The following GPR158 variants were observed in gnomAD, a reference collection of about 807,000 sequenced individuals.
GPR158 encodes the protein metabotropic glycine receptor.
A neutral mutation model predicts 78.2 loss-of-function variants in GPR158; 30 were observed. That is an observed-to-expected ratio of 0.38 (90% confidence interval 0.29 to 0.52). The LOEUF (loss-of-function observed/expected upper bound fraction) is 0.52. Ranked by LOEUF, GPR158 falls within the 20% of genes least tolerant of loss-of-function variation. GPR158 has a pLI of 0.83. For synonymous variants in GPR158, 581 were observed against 591.1 expected (o/e 0.98, Z 0.25); for missense variants, 1,463 against 1,523.5 (o/e 0.96, Z 0.66).
intron 8 of GPR158, among the ~76,000 whole-genome samples, chr10:25,592,947 GT>G (rs1837361173): frequency 6.8e-6 from 1 of 146,676 alleles, no homozygotes; most frequent in Non-Finnish European, 1.5e-5. Flanking sequence ...AACAGACTGC[GT>G]CAAAAGTCTG....
intron 4 of GPR158, among the ~76,000 whole-genome samples, chr10:25,456,116 A>C (rs1200773968): frequency 6.6e-6 from 1 of 152,162 alleles, no homozygotes; most frequent in Non-Finnish European, 1.5e-5. Context: ...TTGCCTGTCA[A>C]ATACAATACT....
chr10:25,318,461 T>G (rs978700272), intron 2 of GPR158, among the ~76,000 whole-genome samples: 18 of 152,138 alleles, frequency 1.2e-4, no homozygotes, highest in African/African-American at 4.3e-4. Context: ...GTGGCTGAGT[T>G]TAATCATAAA....
intron 2 of GPR158, among the ~76,000 whole-genome samples, chr10:25,318,304 T>C (rs1854891116): frequency 6.6e-6 from 1 of 152,148 alleles, no homozygotes; most frequent in Non-Finnish European, 1.5e-5. Context: ...CTCTCACTCA[T>C]CTTTCTCGGT....
chr10:25,579,036 AT>A (rs1837148259), intron 7 of GPR158, among the ~76,000 whole-genome samples: 1 of 149,292 alleles, frequency 6.7e-6, no homozygotes, highest in Non-Finnish European at 1.5e-5. Context: ...AAATAAAAAA[AT>A]AAAGATTAAA....
intron 2 of GPR158, among the ~76,000 whole-genome samples, chr10:25,258,817 A>G (rs577322705): frequency 6.8e-4 from 104 of 152,286 alleles, no homozygotes; most frequent in African/African-American, 2.3e-3. Flanking sequence ...TCGATTCCCA[A>G]AAAGTTAACT....
intron 1 of GPR158, among the ~76,000 whole-genome samples, chr10:25,196,200 T>C (rs1224146586): frequency 6.6e-6 from 1 of 152,026 alleles, no homozygotes; most frequent in Non-Finnish European, 1.5e-5. Context: ...GATTTCTATA[T>C]TTCTTAACTT....
At chr10:25,225,535 C>G (rs1167553733) in intron 2 of GPR158, among the ~76,000 whole-genome samples, 1 of 152,120 alleles carries the variant, frequency 6.6e-6, no homozygotes. Flanking sequence ...AGGGCATTAA[C>G]ATTAATCCAA....
intron 2 of GPR158, among the ~76,000 whole-genome samples, chr10:25,350,545 G>C (rs371690454): frequency 6.6e-6 from 1 of 151,982 alleles, no homozygotes; most frequent in Non-Finnish European, 1.5e-5. Flanking sequence ...CCGTTGGTCA[G>C]TTTTTTCCTA....
intron 2 of GPR158, among the ~76,000 whole-genome samples, chr10:25,241,176 TCTTTCTTTCTTTCCTTTCTTTCTTTC>T (rs1178012862): frequency 5.4e-4 from 52 of 96,410 alleles, no homozygotes; most frequent in South Asian, 2.3e-3. Context: ...TTTCTTTCTT[TCTTTCTTTCTTTCCTTTCTTTCTTTC>T]CTTTCTTTCC....
At chr10:25,455,466 A>G (rs959198701) in intron 4 of GPR158, among the ~76,000 whole-genome samples, 14 of 152,108 alleles carry the variant, frequency 9.2e-5, no homozygotes, top group Admixed American at 3.3e-4. Context: ...AGATTTCTGT[A>G]TGTATTTAAT....
chr10:25,254,168 T>A (rs570231683), intron 2 of GPR158, among the ~76,000 whole-genome samples: 82 of 152,200 alleles, frequency 5.4e-4, no homozygotes, highest in Non-Finnish European at 1.0e-3. Flanking sequence ...TTGTTTGTGG[T>A]TTATAAAATA....
At chr10:25,490,303 TA>T in intron 5 of GPR158, among the ~76,000 whole-genome samples, 1 of 151,434 alleles carries the variant, frequency 6.6e-6, no homozygotes, top group East Asian at 1.9e-4. Context: ...GTCTTTTTTT[TA>T]ATTATACTTT....
intron 2 of GPR158, among the ~76,000 whole-genome samples, chr10:25,291,078 C>T (rs1176222796): frequency 1.3e-5 from 2 of 151,946 alleles, no homozygotes; most frequent in African/African-American, 4.8e-5. Context: ...TCATAATACG[C>T]ATTTCTATAT....
Position 25,179,019 on chromosome 10 carries a change from A to G in GPR158, c.902+2697A>G, listed in dbSNP as rs1424527154. ...TTTATTCTCTATCATTACTTATGAC[A>G]ACCAAAAAAATTAGCCCATAGAAAA... On this transcript the variant is annotated intron_variant, in intron 1 of 10. Transcript: ENST00000376351. 2.6e-5 allele frequency among the ~76,000 whole-genome samples: 4 copies of G among 152,242 alleles called. No individual in the cohort carries two copies. The East Asian group carries it at 7.7e-4, about 29-fold the overall frequency.
At chr10:25,595,683 T>G (rs905730592) in intron 9 of GPR158, among the ~76,000 whole-genome samples, 2 of 152,176 alleles carry the variant, frequency 1.3e-5, no homozygotes, top group African/African-American at 4.8e-5. Context: ...AATGGGCAAA[T>G]CTATAGAAAC....
At chr10:25,371,025 A>G (rs984702563) in intron 2 of GPR158, among the ~76,000 whole-genome samples, 44 of 145,614 alleles carry the variant, frequency 3.0e-4, no homozygotes, top group Middle Eastern at 3.4e-3. Context: ...GGCTTGGTAG[A>G]TCTTCCTCCA....
At chr10:25,485,534 A>G (rs1835724928) in intron 5 of GPR158, among the ~76,000 whole-genome samples, 3 of 152,148 alleles carry the variant, frequency 2.0e-5, no homozygotes, top group Admixed American at 6.5e-5. Flanking sequence ...TCCAGAATTT[A>G]TCAGAAAAGT....
At chr10:25,576,970 C>CAA (rs765153642) in intron 7 of GPR158, among the ~76,000 whole-genome samples, 17,894 of 113,576 alleles carry the variant, frequency 0.16, 2,144 homozygotes, top group African/African-American at 0.32. Flanking sequence ...ACAGTGTTCT[C>CAA]AAAAAAAAAA....
At chr10:25,304,571 A>T (rs1475529243) in intron 2 of GPR158, among the ~76,000 whole-genome samples, 2 of 151,930 alleles carry the variant, frequency 1.3e-5, no homozygotes, top group Non-Finnish European at 2.9e-5. Flanking sequence ...TTTTATATAT[A>T]ATATATATAT....
Sources: allele counts gnomAD v4.1 joint callset (sites outside exome capture counted in the v4.1 genomes callset), GRCh38; gene constraint gnomAD v4.1.1; transcripts MANE v1.5; gene names NCBI Gene and HGNC (gene_info 2026-07-23, HGNC 2026-07-21).